Variants in ANKRD42 observed in about 807,000 individuals in gnomAD.
ANKRD42 encodes ankyrin repeat domain-containing protein 42.
ANKRD42 carries 43 observed loss-of-function variants against 51.5 expected under a neutral mutation model. The observed-to-expected ratio is 0.83, with a 90% confidence interval of 0.65 to 1.08. The LOEUF is 1.08. Ranked by LOEUF, ANKRD42 falls within the 50% of genes least tolerant of loss-of-function variation. The pLI is 0.00. For missense variants in ANKRD42, 608 were observed against 629.3 expected (o/e 0.97, Z 0.36); for synonymous variants, 203 against 213.0 (o/e 0.95, Z 0.41).
chr11:83,236,613 CTCAA>C, intron 8 of ANKRD42, 104 bp downstream of exon 8: 2 of 839,672 alleles, frequency 2.4e-6, no homozygotes, highest in Non-Finnish European at 3.6e-6. Flanking sequence ...TTTTAGAGGA[CTCAA>C]TCAAATACAG....
At chr11:83,241,259 T>C (rs1227336947) in intron 9 of ANKRD42, among the ~76,000 whole-genome samples, 1 of 152,174 alleles carries the variant, frequency 6.6e-6, no homozygotes, top group Non-Finnish European at 1.5e-5. Flanking sequence ...TTGTTATAGA[T>C]AATAATAGCA....
intron 3 of ANKRD42, chr11:83,209,924 A>C (rs902110536): frequency 5.1e-6 from 2 of 388,640 alleles, no homozygotes; most frequent in Non-Finnish European, 9.4e-6. Context: ...TGGAGGAAGC[A>C]TCTGAGTTTG....
downstream of ANKRD42, among the ~76,000 whole-genome samples, chr11:83,263,531 T>G (rs766034949): frequency 2.0e-5 from 3 of 152,208 alleles, no homozygotes; most frequent in Non-Finnish European, 4.4e-5. Context: ...AACATTAGCT[T>G]TCATTATTTA....
chr11:83,224,912 T>A lies in ANKRD42; in HGVS notation c.644T>A (p.Met215Lys), dbSNP rs747710404. 6.8e-6 allele frequency: 11 copies of A among 1,611,246 alleles called. No homozygotes were observed. Among genetic ancestry groups the A allele is most frequent in the Non-Finnish European group, 8.5e-6 (10 of 1,178,136 alleles). ...TGTTTCAAATTCCTAGTCAGTAGAA[T>A]GAGCAGTGCGACGCAAGTTTTAAAA... Reference protein sequence around the residue: ...LHCFKFLVSRMSSATQVLKAF... With the variant: ...LHCFKFLVSRKSSATQVLKAF... The change falls in exon 6 of 11, where the codon ATG becomes AAG. Residue 215 changes from methionine (M) to lysine (K), a missense_variant. Met to Lys is a moderately conservative substitution (Grantham distance 95). Transcript: ENST00000533342.
chr11:83,248,953 A>G lies in ANKRD42; in HGVS notation c.*749A>G. Reference sequence around the variant, plus strand: ...ACCAGTGGTTGATTTTCCAAGAAATATAATTAACTATAATAATTAATCTAT... The same window carrying G: ...ACCAGTGGTTGATTTTCCAAGAAATGTAATTAACTATAATAATTAATCTAT... On this transcript the variant is annotated 3_prime_UTR_variant, in exon 11 of 11. Transcript: ENST00000533342. 1.0e-6 allele frequency: 1 copy of G among 983,084 alleles called. No homozygotes were observed. Among genetic ancestry groups the G allele is most frequent in the Non-Finnish European group, 1.2e-6 (1 of 827,788 alleles). The allele number at this position is 983,084 out of a possible 1,614,324, so 60.9% of individuals were successfully genotyped here. A position where few individuals can be genotyped will look rare whatever the true frequency, so the allele number is the denominator to read the frequency against.
intron 2 of ANKRD42, among the ~76,000 whole-genome samples, chr11:83,203,012 A>G (rs1861930492): frequency 7.8e-6 from 1 of 128,916 alleles, no homozygotes; most frequent in Non-Finnish European, 1.7e-5. Flanking sequence ...TTTTTTTCAG[A>G]CAGGGTATCG....
At chr11:83,198,437 A>G (rs770687899) in intron 1 of ANKRD42, 42 bp from the exon 2 acceptor site, 3 of 1,526,292 alleles carry the variant, frequency 2.0e-6, no homozygotes, top group African/African-American at 1.4e-5. Context: ...TTTTTCTTTC[A>G]TAGTTTTGTA....
intron 7 of ANKRD42, among the ~76,000 whole-genome samples, chr11:83,230,150 C>G (rs916947126): frequency 3.3e-5 from 5 of 152,180 alleles, no homozygotes. Flanking sequence ...CTCCTGGGCT[C>G]AGGGGATCCT....
At chr11:83,227,899 C>T (rs756837444) in intron 7 of ANKRD42, 27 bp downstream of exon 7, 20 of 1,573,252 alleles carry the variant, frequency 1.3e-5, no homozygotes, top group East Asian at 4.5e-5. Context: ...CCTTTCAGTT[C>T]GGATACAATA....
chr11:83,251,365 GT>G, downstream of ANKRD42, among the ~76,000 whole-genome samples: 5 of 152,196 alleles, frequency 3.3e-5, no homozygotes. Context: ...GAAAATCTAA[GT>G]TTTATAAGAT....
intron 8 of ANKRD42, among the ~76,000 whole-genome samples, chr11:83,238,713 C>T (rs959863459): frequency 2.0e-5 from 3 of 151,912 alleles, no homozygotes; most frequent in African/African-American, 7.3e-5. Context: ...GCCTGTAATC[C>T]CAGCTACTCA....
chr11:83,261,130 C>G (rs1001201333), downstream of ANKRD42: 1 of 152,140 alleles, frequency 6.6e-6, no homozygotes, highest in South Asian at 2.1e-4. Flanking sequence ...GCTCTGTCAC[C>G]CAGGCTGGAG....
At chr11:83,258,760 TAAAC>T (rs1222745836), downstream of ANKRD42, among the ~76,000 whole-genome samples, 1 of 152,026 alleles carries the variant, frequency 6.6e-6, no homozygotes, top group Non-Finnish European at 1.5e-5. Context: ...ACTTAAAAAA[TAAAC>T]AAGTGTTACA....
chr11:83,234,550 C>T (rs1044379718), intron 7 of ANKRD42, among the ~76,000 whole-genome samples: 2 of 152,142 alleles, frequency 1.3e-5, no homozygotes, highest in Admixed American at 6.5e-5. Context: ...GTAAAATTCT[C>T]TTATTGCATT....
At chr11:83,210,072 T>C (rs1435645044) in intron 3 of ANKRD42, 7 of 424,382 alleles carry the variant, frequency 1.6e-5, no homozygotes, top group African/African-American at 1.0e-4. Context: ...TCTGTTCATG[T>C]TAAAAGCCTT....
At chr11:83,249,944 A>G (rs1363543555), downstream of ANKRD42, among the ~76,000 whole-genome samples, 2 of 152,336 alleles carry the variant, frequency 1.3e-5, no homozygotes, top group East Asian at 3.9e-4. Flanking sequence ...ACGCAGAGGT[A>G]TTCACTATAT....
At position 83,224,896 on chromosome 11, in the gene ANKRD42, TTCCTAGTCA is replaced by T. The variant is rs1179936481; in HGVS notation, c.629_637del (p.Phe210_Ser213delinsCys). The T allele has an allele frequency of 6.2e-7, 1 of 1,608,814 alleles. No homozygotes were observed. The highest frequency in any genetic ancestry group is 1.3e-5 in the African/African-American group (1 of 74,902). On this transcript the variant is annotated inframe_deletion, in exon 6 of 11. Transcript: ENST00000533342. ...GGAAGGCCACCTTCACTGTTTCAAA[TTCCTAGTCA>T]GTAGAATGAGCAGTGCGACGCAAGT...
chr11:83,206,086 C>A lies in ANKRD42; in HGVS notation c.251C>A (p.Ala84Asp). Residue 84 changes from alanine to aspartate, a missense_variant, in exon 3 of 11, where the codon GCT becomes GAT. Transcript: ENST00000533342. ...ECLHWLLWHG[A>D]DITHVTTRGW... The stretch of plus-strand genomic sequence containing the variant: ...CTTCATTGGCTGCTCTGGCATGGAG[C>A]TGATATCACACACGTAACAACGAGA... 1 of 1,613,984 alleles carries A rather than the reference C, an allele frequency of 6.2e-7. No individual in the cohort carries two copies. Among genetic ancestry groups the A allele is most frequent in the Non-Finnish European group, 8.5e-7 (1 of 1,179,910 alleles).
chr11:83,211,111 T>C, intron 4 of ANKRD42, 184 bp from the exon 5 acceptor site: 1 of 741,074 alleles, frequency 1.3e-6, no homozygotes, highest in Non-Finnish European at 2.2e-6. Flanking sequence ...TTGAAAAGCC[T>C]GTTTTATAAA....
Sources: allele counts gnomAD v4.1 joint callset (sites outside exome capture counted in the v4.1 genomes callset), GRCh38; gene constraint gnomAD v4.1.1; transcripts MANE v1.5; gene names NCBI Gene and HGNC (gene_info 2026-07-23, HGNC 2026-07-21).